ADAMTS6: variants seen among roughly 807,000 people sequenced by gnomAD.
ADAMTS6 encodes A disintegrin and metalloproteinase with thrombospondin motifs 6.
In ADAMTS6, 23 loss-of-function variants were observed where a neutral mutation model predicts 144.3. The ratio of observed to expected loss-of-function variants is 0.16; its 90% CI spans 0.11 to 0.23. The LOEUF (loss-of-function observed/expected upper bound fraction) is 0.23. ADAMTS6 is among the 10% of genes least tolerant of loss of function. The pLI is 1.00. For synonymous variants in ADAMTS6, 444 were observed against 457.5 expected, an observed-to-expected ratio of 0.97 and a Z score of 0.38; for missense variants, 999 against 1,379.6, an observed-to-expected ratio of 0.72 and a Z score of 4.37.
chr5:65,227,373 G>A (rs559180589), intron 15 of ADAMTS6, among the ~76,000 whole-genome samples: 78 of 145,992 alleles, frequency 5.3e-4, no homozygotes, highest in Non-Finnish European at 9.2e-4. Context: ...CAATAAATGT[G>A]GACTTGTTGT....
At chr5:65,332,127 C>T (rs1317232242) in intron 8 of ADAMTS6, among the ~76,000 whole-genome samples, 4 of 151,216 alleles carry the variant, frequency 2.6e-5, no homozygotes, top group Admixed American at 2.6e-4. Flanking sequence ...TCTCAAAATA[C>T]TTTATTTATC....
chr5:65,226,468 CAT>C (rs912304092), intron 15 of ADAMTS6, among the ~76,000 whole-genome samples: 2 of 151,278 alleles, frequency 1.3e-5, no homozygotes, highest in Non-Finnish European at 2.9e-5. Flanking sequence ...TTATTTATAA[CAT>C]AATTATATAT....
At chr5:65,173,254 C>G (rs1307044337) in intron 22 of ADAMTS6, among the ~76,000 whole-genome samples, 1 of 152,156 alleles carries the variant, frequency 6.6e-6, no homozygotes, top group Non-Finnish European at 1.5e-5. Context: ...TTTTCTTGCT[C>G]TATTGGGGAT....
rs557960746 is a variant in ADAMTS6 at position 65,379,658 on chromosome 5, C to T, written c.1074-45573G>A. On this transcript the variant is annotated intron_variant, in intron 7 of 24. Coordinates refer to ENST00000381055, the MANE Select transcript of ADAMTS6 (RefSeq NM_197941.4). ...CTCAACACCTGGAAAACAGTGACCC[C>T]GCTTTCTCCTCCCAGCCCTCCTAAA... Among the ~76,000 whole-genome samples the T allele has an allele frequency of 3.9e-5, 6 of 152,178 alleles. No homozygotes were observed. The South Asian group carries it at 1.2e-3, about 32-fold the overall frequency.
intron 24 of ADAMTS6, among the ~76,000 whole-genome samples, chr5:65,167,578 C>A (rs1753267996): frequency 7.3e-6 from 1 of 137,060 alleles, no homozygotes; most frequent in Non-Finnish European, 1.6e-5. Context: ...GAGACACAAC[C>A]AAAAAAGAGA....
intron 15 of ADAMTS6, among the ~76,000 whole-genome samples, chr5:65,240,450 G>C (rs1018265593): frequency 6.6e-6 from 1 of 152,050 alleles, no homozygotes; most frequent in Non-Finnish European, 1.5e-5. Context: ...GACTGCAAAG[G>C]ACTATAATGA....
rs543252504 is a variant in ADAMTS6 at position 65,280,463 on chromosome 5, A to G, written c.1513-7016T>C. On this transcript the variant is annotated intron_variant, in intron 11 of 24. Coordinates refer to ENST00000381055, the MANE Select transcript of ADAMTS6 (RefSeq NM_197941.4). The stretch of plus-strand genomic sequence containing the variant: ...GCCACTAAGCCAACCACCATGTTGA[A>G]TTATAAAAAGACCTTTCTTTAGGCC... Among the ~76,000 whole-genome samples the G allele has an allele frequency of 2.0e-5, 3 of 152,344 alleles. No individual in the cohort carries two copies. The South Asian group carries it at 6.2e-4, about 32-fold the overall frequency.
intron 18 of ADAMTS6, among the ~76,000 whole-genome samples, chr5:65,217,984 A>G (rs1757053223): frequency 6.6e-6 from 1 of 152,128 alleles, no homozygotes; most frequent in Admixed American, 6.5e-5. Context: ...GCTTGGAGAC[A>G]CTTTCTTTAG....
intron 21 of ADAMTS6, among the ~76,000 whole-genome samples, chr5:65,191,762 T>C (rs1382078404): frequency 1.3e-5 from 2 of 152,140 alleles, no homozygotes; most frequent in Non-Finnish European, 2.9e-5. Context: ...CAGAACACTG[T>C]ATGCCCTAAA....
chr5:65,334,253 C>G (rs1747089353), intron 7 of ADAMTS6, among the ~76,000 whole-genome samples, 168 bp from the exon 8 acceptor site: 1 of 152,124 alleles, frequency 6.6e-6, no homozygotes. Context: ...AGGGACACCA[C>G]AGGCAGCACT....
chr5:65,338,534 G>A (rs16893704), intron 7 of ADAMTS6, among the ~76,000 whole-genome samples: 6,843 of 152,286 alleles, frequency 0.045, 294 homozygotes, highest in African/African-American at 0.11. Context: ...AAAATATAGC[G>A]TTACCTTCCA....
rs766359705 is a variant in ADAMTS6 at position 65,291,394 on chromosome 5, C to T, written c.1447G>A (p.Val483Met). ...FLYPAVAPGQ[V>M]YDADEQCRFQ... The stretch of plus-strand genomic sequence containing the variant: ...CGACATTGCTCATCAGCATCATACA[C>T]CTGACCTGGGGCCACAGCTGGATAA... The change falls in exon 11 of 25, where the codon GTG becomes ATG. Residue 483 changes from valine to methionine, a missense_variant. This residue lies in a region of ADAMTS6 where 619 missense variants were observed against 837.0 expected (regional missense o/e 0.74). Transcript: ENST00000381055. 1.2e-6 allele frequency: 2 copies of T among 1,614,020 alleles called. No individual in the cohort carries two copies. Among genetic ancestry groups the T allele is most frequent in the Non-Finnish European group, 1.7e-6 (2 of 1,179,944 alleles).
At chr5:65,207,237 A>G (rs1756166644) in intron 20 of ADAMTS6, among the ~76,000 whole-genome samples, 1 of 152,228 alleles carries the variant, frequency 6.6e-6, no homozygotes, top group Non-Finnish European at 1.5e-5. Flanking sequence ...TTTGGTACAC[A>G]ATTTTGCACT....
Position 65,408,380 on chromosome 5 carries a change from C to G in ADAMTS6, c.1073+43095G>C, listed in dbSNP as rs555953747. Among the ~76,000 whole-genome samples, 7 of 152,146 alleles carry G rather than the reference C, an allele frequency of 4.6e-5. No individual in the cohort carries two copies. The East Asian group carries it at 5.8e-4, about 13-fold the overall frequency. On this transcript the variant is annotated intron_variant, in intron 7 of 24. Coordinates refer to ENST00000381055, the MANE Select transcript of ADAMTS6 (RefSeq NM_197941.4). Reference sequence around the variant, plus strand: ...TCTGATAAAACAGACTTTAAACCAACAAAGATCAAAAGAGACAAAGAAGGC... The same window carrying G: ...TCTGATAAAACAGACTTTAAACCAAGAAAGATCAAAAGAGACAAAGAAGGC...
intron 1 of ADAMTS6, among the ~76,000 whole-genome samples, chr5:65,476,922 A>G (rs1472185949): frequency 6.6e-6 from 1 of 152,146 alleles, no homozygotes; most frequent in African/African-American, 2.4e-5. Context: ...CGATATATTT[A>G]TAAGTGGTAT....
At chr5:65,264,331 T>C (rs563592424) in intron 12 of ADAMTS6, among the ~76,000 whole-genome samples, 10 of 152,262 alleles carry the variant, frequency 6.6e-5, no homozygotes, top group South Asian at 6.2e-4. Flanking sequence ...TCCAGACACA[T>C]TGGATTTCCA....
intron 7 of ADAMTS6, among the ~76,000 whole-genome samples, chr5:65,431,599 T>C (rs7710102): frequency 0.17 from 26,157 of 152,118 alleles, 3,009 homozygotes; most frequent in African/African-American, 0.33. Context: ...TTAAATATTC[T>C]GTGGGAGCTG....
intron 14 of ADAMTS6, among the ~76,000 whole-genome samples, chr5:65,256,881 ATTC>A (rs1760703739): frequency 6.7e-6 from 1 of 149,346 alleles, no homozygotes; most frequent in South Asian, 2.1e-4. Flanking sequence ...TAAAACTTCC[ATTC>A]TTCTGAGATT....
At chr5:65,366,078 A>G (rs1297651179) in intron 7 of ADAMTS6, among the ~76,000 whole-genome samples, 1 of 152,142 alleles carries the variant, frequency 6.6e-6, no homozygotes, top group Admixed American at 6.5e-5. Flanking sequence ...ACAAAAATCC[A>G]TTTGTTCTGG....
Sources: allele counts gnomAD v4.1 joint callset (sites outside exome capture counted in the v4.1 genomes callset), GRCh38; gene constraint gnomAD v4.1.1; regional missense constraint gnomAD v4.1.1; transcripts MANE v1.5; gene names NCBI Gene and HGNC (gene_info 2026-07-23, HGNC 2026-07-21).